Variants in DIS3L2 observed in about 807,000 individuals in gnomAD.
DIS3L2 encodes DIS3-like exonuclease 2.
A neutral mutation model predicts 97.5 loss-of-function variants in DIS3L2; 34 were observed. The ratio of observed to expected loss-of-function variants is 0.35; its 90% CI spans 0.27 to 0.46. DIS3L2 has a LOEUF of 0.46. Ranked by LOEUF, DIS3L2 falls within the 20% of genes least tolerant of loss-of-function variation. DIS3L2 has a pLI of 1.00. For synonymous variants in DIS3L2, 435 were observed against 445.2 expected (o/e 0.98, Z 0.29); for missense variants, 1,038 against 1,146.0 (o/e 0.91, Z 1.36).
At chr2:232,053,194 G>A (rs1045758101) in intron 5 of DIS3L2, among the ~76,000 whole-genome samples, 11 of 152,288 alleles carry the variant, frequency 7.2e-5, no homozygotes, top group African/African-American at 2.6e-4. Flanking sequence ...TTGAACTTGA[G>A]TTTTTGTTTA....
At chr2:232,143,792 C>A (rs1690139236) in intron 8 of DIS3L2, among the ~76,000 whole-genome samples, 1 of 151,930 alleles carries the variant, frequency 6.6e-6, no homozygotes, top group South Asian at 2.1e-4. Flanking sequence ...ATAACATCAC[C>A]AATACTGTTC....
intron 14 of DIS3L2, among the ~76,000 whole-genome samples, chr2:232,326,424 A>G (rs1472120728): frequency 2.0e-5 from 3 of 152,018 alleles, no homozygotes; most frequent in Non-Finnish European, 2.9e-5. Flanking sequence ...TCTGTCCCCA[A>G]ACTCCACTGG....
chr2:232,310,132 G>A (rs1041895698), intron 14 of DIS3L2, among the ~76,000 whole-genome samples: 4 of 152,202 alleles, frequency 2.6e-5, no homozygotes, highest in African/African-American at 9.7e-5. Context: ...TCATTGCAGA[G>A]GGCGAGAGCC....
chr2:231,990,518 G>T (rs1002512598), intron 1 of DIS3L2, among the ~76,000 whole-genome samples: 1 of 152,190 alleles, frequency 6.6e-6, no homozygotes, highest in Non-Finnish European at 1.5e-5. Context: ...ATGCGGGAAA[G>T]AAACATGAGA....
intron 9 of DIS3L2, among the ~76,000 whole-genome samples, chr2:232,193,633 A>G (rs756677040): frequency 1.3e-5 from 2 of 152,218 alleles, no homozygotes; most frequent in Non-Finnish European, 2.9e-5. Flanking sequence ...CATTTCATCT[A>G]TCATTGGGTA....
chr2:232,147,720 G>A lies in DIS3L2; in HGVS notation c.950+11001G>A, dbSNP rs543947180. On this transcript the variant is annotated intron_variant, in intron 8 of 20. Transcript: ENST00000325385. ...ACATTTGAACTACATTACATAAAAG[G>A]GAAAGTTACTTTCATGATTCATTTT... is the stretch of plus-strand genomic sequence containing the variant. 8.6e-5 allele frequency among the ~76,000 whole-genome samples: 13 copies of A among 152,004 alleles called. No individual in the cohort carries two copies. The East Asian group carries it at 2.5e-3, about 29-fold the overall frequency.
intron 5 of DIS3L2, among the ~76,000 whole-genome samples, chr2:232,072,783 GGTGTGTGTGTGT>G (rs56884799): frequency 8.0e-4 from 112 of 139,906 alleles, no homozygotes; most frequent in African/African-American, 1.5e-3. Flanking sequence ...TGGGATGTGG[GGTGTGTGTGTGT>G]GTGTGTGTGT....
intron 14 of DIS3L2, 28 bp from the exon 15 acceptor site, chr2:232,329,785 T>TGCCGGGGCGCC: frequency 1.0e-6 from 1 of 967,144 alleles, no homozygotes; most frequent in Non-Finnish European, 1.5e-6. Context: ...ACCCCAGCGG[T>TGCCGGGGCGCC]CCCTCCCATC....
chr2:232,136,974 A>G (rs1431963624), intron 8 of DIS3L2, among the ~76,000 whole-genome samples: 1 of 152,072 alleles, frequency 6.6e-6, no homozygotes, highest in Non-Finnish European at 1.5e-5. Context: ...CCGAGCCTCT[A>G]CTTATTTAGT....
chr2:232,260,358 G>A lies in DIS3L2; in HGVS notation c.1426-2849G>A, dbSNP rs1407957350. On this transcript the variant is annotated intron_variant, in intron 12 of 20. Coordinates refer to ENST00000325385, the MANE Select transcript of DIS3L2 (RefSeq NM_152383.5). ...TTCAGGAAATGTGGATGTGCGAAGA[G>A]GACAAGCCTGGCTGAGCCTAAAAGG... The A allele has an allele frequency of 2.6e-5, 4 of 152,274 alleles. No individual in the cohort carries two copies. The East Asian group carries it at 7.7e-4, about 29-fold the overall frequency. 9.4% of individuals were successfully genotyped at this position (152,274 alleles called of 1,614,324 possible).
rs1432672851 is a variant in DIS3L2, at chr2:232,149,362, C to A, written c.950+12643C>A. Among the ~76,000 whole-genome samples, 5 of 109,466 alleles carry A rather than the reference C, an allele frequency of 4.6e-5. No homozygotes were observed. The South Asian group carries it at 1.8e-3, about 40-fold the overall frequency. 71.8% of individuals were successfully genotyped at this position (109,466 alleles called of 152,430 possible). ...TCCCTCCCCCCTCCCCCGACCCCAC[C>A]ACAGTCCCCAGAGTGTGATATTCCC... On this transcript the variant is annotated intron_variant, in intron 8 of 20. Transcript: ENST00000325385.
intron 9 of DIS3L2, among the ~76,000 whole-genome samples, chr2:232,177,123 A>G (rs1454028981): frequency 2.3e-4 from 34 of 147,392 alleles, no homozygotes; most frequent in Middle Eastern, 3.4e-3. Flanking sequence ...TGTCCCTACA[A>G]AGGACATAAA....
intron 13 of DIS3L2, among the ~76,000 whole-genome samples, chr2:232,278,354 T>C (rs1694199346): frequency 6.6e-6 from 1 of 152,102 alleles, no homozygotes. Context: ...AATCCACCCT[T>C]TTTAGTGTAC....
intron 14 of DIS3L2, among the ~76,000 whole-genome samples, chr2:232,326,870 C>T (rs1695592315): frequency 6.6e-6 from 1 of 152,182 alleles, no homozygotes; most frequent in South Asian, 2.1e-4. Context: ...ACCAAGAGTG[C>T]ACTTGTTCAC....
chr2:232,011,140 T>G (rs570116540), intron 1 of DIS3L2, among the ~76,000 whole-genome samples: 1 of 152,290 alleles, frequency 6.6e-6, no homozygotes, highest in African/African-American at 2.4e-5. Flanking sequence ...CTCTTAAGAA[T>G]GTATAACTAT....
Position 232,238,661 on chromosome 2 carries a change from T to G in DIS3L2, c.1317+16T>G. 221 of 1,588,774 alleles carry G rather than the reference T, an allele frequency of 1.4e-4. No individual in the cohort carries two copies. Among genetic ancestry groups the G allele is most frequent in the Non-Finnish European group, 1.7e-4 (199 of 1,160,442 alleles). On this transcript the variant is annotated intron_variant, in intron 11 of 20. Coordinates refer to ENST00000325385, the MANE Select transcript of DIS3L2 (RefSeq NM_152383.5). Reference sequence around the variant, plus strand: ...GGTTCAAAAGGTAAAAATCCATCTCTAGTTTCTTTTTTCTTGCTTTGTTTA... The same window carrying G: ...GGTTCAAAAGGTAAAAATCCATCTCGAGTTTCTTTTTTCTTGCTTTGTTTA...
At chr2:232,189,628 A>G (rs1691556196) in intron 9 of DIS3L2, among the ~76,000 whole-genome samples, 1 of 152,220 alleles carries the variant, frequency 6.6e-6, no homozygotes, top group South Asian at 2.1e-4. Flanking sequence ...CCTTGAGACA[A>G]TAGTAGTGTT....
intron 6 of DIS3L2, among the ~76,000 whole-genome samples, chr2:232,120,530 A>T (rs1451793267): frequency 6.6e-6 from 1 of 152,154 alleles, no homozygotes; most frequent in Admixed American, 6.5e-5. Context: ...TGACGGGCTC[A>T]ATGACAAGCT....
At position 232,136,546 on chromosome 2, in the gene DIS3L2, C is replaced by T. The variant is rs375649949; in HGVS notation, c.777C>T (p.Ser259=). 19 of 1,614,034 alleles carry T rather than the reference C, an allele frequency of 1.2e-5. No individual in the cohort carries two copies. The East Asian group carries it at 3.3e-4, about 28-fold the overall frequency. ...TCAAACTCTTGGCTGATAAGAACAG[C>T]GAACTGTTTAGGAAATACGCCCTGT... ...GFLKLLADKN[S]ELFRKYALFS... Residue 259 remains serine, a synonymous_variant, in exon 8 of 21, where the codon AGC becomes AGT. Coordinates refer to ENST00000325385, the MANE Select transcript of DIS3L2 (RefSeq NM_152383.5).
Sources: gnomAD v4.1 joint callset for allele counts (sites outside exome capture counted in the v4.1 genomes callset) on GRCh38, gnomAD v4.1.1 for gene constraint, MANE v1.5 for transcripts, NCBI Gene and HGNC (gene_info 2026-07-23, HGNC 2026-07-21) for gene names.